DPYD: variants seen among roughly 807,000 people sequenced by gnomAD.
DPYD encodes dihydropyrimidine dehydrogenase [NADP(+)].
DPYD carries 109 observed loss-of-function variants against 116.2 expected under a neutral mutation model. The ratio of observed to expected loss-of-function variants is 0.94; its 90% CI spans 0.80 to 1.10. The LOEUF is 1.10. Ranked by LOEUF, DPYD falls within the 50% of genes least tolerant of loss-of-function variation. DPYD has a pLI of 0.00. For synonymous variants in DPYD, 440 were observed against 432.0 expected (o/e 1.02, Z -0.23); for missense variants, 1,302 against 1,254.5 (o/e 1.04, Z -0.57).
chr1:97,300,860 CTA>C (rs576091862), intron 18 of DPYD, among the ~76,000 whole-genome samples: 241 of 152,152 alleles, frequency 1.6e-3, no homozygotes, highest in Non-Finnish European at 2.0e-3. Flanking sequence ...TTCTAAGCTA[CTA>C]TATTGATTCA....
intron 20 of DPYD, among the ~76,000 whole-genome samples, chr1:97,139,978 A>C (rs566785800): frequency 6.6e-6 from 1 of 152,218 alleles, no homozygotes; most frequent in Non-Finnish European, 1.5e-5. Flanking sequence ...AAGACACTCT[A>C]AATACAATCA....
In DPYD at chr1:97,197,751, T is replaced by G. The variant is rs559094490; in HGVS notation, c.2443-4503A>C. 2.7e-4 allele frequency among the ~76,000 whole-genome samples: 41 copies of G among 152,256 alleles called. 1 individual carries two copies. The highest frequency in any genetic ancestry group is 1.9e-3 in the South Asian group (9 of 4,830). On this transcript the variant is annotated intron_variant, in intron 19 of 22. Coordinates refer to ENST00000370192, the MANE Select transcript of DPYD (RefSeq NM_000110.4). Reference sequence around the variant, plus strand: ...TTCCCACCCACTTCTAGACTCTTTATCATACAGGGTTGGTGTTTCACATAA... The same window carrying G: ...TTCCCACCCACTTCTAGACTCTTTAGCATACAGGGTTGGTGTTTCACATAA...
chr1:97,469,945 C>T (rs1327717393), intron 13 of DPYD, among the ~76,000 whole-genome samples: 1 of 152,052 alleles, frequency 6.6e-6, no homozygotes, highest in Non-Finnish European at 1.5e-5. Context: ...AAGCCCTCAG[C>T]CAGGTCATTT....
intron 19 of DPYD, among the ~76,000 whole-genome samples, chr1:97,226,051 T>C (rs1267145835): frequency 4.6e-5 from 7 of 152,080 alleles, no homozygotes; most frequent in East Asian, 1.9e-4. Context: ...CATGATCAAA[T>C]AGCAGTCATC....
chr1:97,549,784 A>G, intron 11 of DPYD, 40 bp from the exon 12 acceptor site: 1 of 1,526,368 alleles, frequency 6.6e-7, no homozygotes, highest in Non-Finnish European at 9.1e-7. Flanking sequence ...ATCACTAGTC[A>G]ACAGACAATT....
At chr1:97,750,626 C>T (rs80211592) in intron 3 of DPYD, among the ~76,000 whole-genome samples, 2,818 of 152,244 alleles carry the variant, frequency 0.019, 32 homozygotes, top group Middle Eastern at 0.024. Flanking sequence ...ACCAATGATA[C>T]TCCCATATAT....
At chr1:97,848,657 T>C (rs1670426005) in intron 2 of DPYD, among the ~76,000 whole-genome samples, 1 of 152,204 alleles carries the variant, frequency 6.6e-6, no homozygotes. Flanking sequence ...ATCAGTGCTA[T>C]TGCATCACAC....
At chr1:97,806,492 T>C (rs1209024927) in intron 3 of DPYD, among the ~76,000 whole-genome samples, 1 of 151,930 alleles carries the variant, frequency 6.6e-6, no homozygotes, top group Non-Finnish European at 1.5e-5. Context: ...TTGACTATTT[T>C]TAAAAATTGT....
chr1:97,398,933 A>C (rs1338264760), intron 14 of DPYD, among the ~76,000 whole-genome samples: 1 of 152,120 alleles, frequency 6.6e-6, no homozygotes, highest in East Asian at 1.9e-4. Context: ...TTTGCTGTGC[A>C]GAAGCTCTTT....
At chr1:97,720,089 G>A in intron 5 of DPYD, 1 of 984,662 alleles carries the variant, frequency 1.0e-6, no homozygotes, top group Non-Finnish European at 1.2e-6. Context: ...CCAGAGAAAA[G>A]AATTAAAACC....
At chr1:97,880,672 CAGA>C (rs1253079499) in intron 2 of DPYD, among the ~76,000 whole-genome samples, 1 of 151,830 alleles carries the variant, frequency 6.6e-6, no homozygotes, top group Non-Finnish European at 1.5e-5. Flanking sequence ...ATACTCATTA[CAGA>C]AGACCTGAAA....
intron 14 of DPYD, among the ~76,000 whole-genome samples, chr1:97,445,536 T>G (rs1676028813): frequency 6.6e-6 from 1 of 152,132 alleles, no homozygotes; most frequent in African/African-American, 2.4e-5. Context: ...TTAAGGTCCC[T>G]TCATGAATAT....
chr1:97,545,623 AAG>A, intron 12 of DPYD: 2 of 601,054 alleles, frequency 3.3e-6, no homozygotes, highest in Non-Finnish European at 3.0e-6. Flanking sequence ...TGGATTATGC[AAG>A]AGAGTGCCCT....
At chr1:97,560,292 G>A (rs987929181) in intron 11 of DPYD, among the ~76,000 whole-genome samples, 16 of 152,086 alleles carry the variant, frequency 1.1e-4, no homozygotes, top group Admixed American at 2.6e-4. Context: ...AGCCACAAAA[G>A]CCAAGTAAAG....
intron 2 of DPYD, among the ~76,000 whole-genome samples, chr1:97,828,879 A>G (rs1016492772): frequency 2.6e-5 from 4 of 152,014 alleles, no homozygotes; most frequent in Admixed American, 6.6e-5. Context: ...TTTAAATTTC[A>G]TAAGTGTTTC....
intron 13 of DPYD, among the ~76,000 whole-genome samples, chr1:97,481,691 A>G (rs1287483511): frequency 1.3e-5 from 2 of 152,242 alleles, no homozygotes; most frequent in African/African-American, 4.8e-5. Flanking sequence ...AAATATATTA[A>G]TACAACTTTT....
intron 20 of DPYD, among the ~76,000 whole-genome samples, chr1:97,102,415 ATATATG>A (rs1182151159): frequency 7.0e-6 from 1 of 143,008 alleles, no homozygotes; most frequent in Non-Finnish European, 1.5e-5. Flanking sequence ...ATATATATAT[ATATATG>A]TATATATGTA....
At chr1:97,663,101 C>T (rs577931307) in intron 8 of DPYD, among the ~76,000 whole-genome samples, 2 of 152,236 alleles carry the variant, frequency 1.3e-5, no homozygotes, top group South Asian at 2.1e-4. Flanking sequence ...TAGCAAATAG[C>T]GAGGAGATAC....
chr1:97,131,487 T>C (rs1332289206), intron 20 of DPYD, among the ~76,000 whole-genome samples: 2 of 140,738 alleles, frequency 1.4e-5, no homozygotes, highest in Non-Finnish European at 3.2e-5. Flanking sequence ...GTTAGTGCTA[T>C]GGGATGTGCA....
Sources: gnomAD v4.1 joint callset for allele counts (sites outside exome capture counted in the v4.1 genomes callset) on GRCh38, gnomAD v4.1.1 for gene constraint, MANE v1.5 for transcripts, NCBI Gene and HGNC (gene_info 2026-07-23, HGNC 2026-07-21) for gene names.